Variants in CNTNAP2 observed in about 807,000 individuals in gnomAD.
CNTNAP2 encodes the protein contactin-associated protein-like 2.
CNTNAP2 carries 98 observed loss-of-function variants against 155.2 expected under a neutral mutation model. The ratio of observed to expected loss-of-function variants is 0.63; its 90% CI spans 0.54 to 0.75. CNTNAP2 has a LOEUF of 0.75. Among genes scored for constraint, CNTNAP2 ranks in the 30% least tolerant of loss-of-function variants. CNTNAP2 has a pLI of 0.00. For missense variants in CNTNAP2, 1,727 were observed against 1,688.1 expected (o/e 1.02, Z -0.40); for synonymous variants, 651 against 631.2 (o/e 1.03, Z -0.47).
intron 1 of CNTNAP2, among the ~76,000 whole-genome samples, chr7:146,644,557 C>T (rs1799775340): frequency 6.6e-6 from 1 of 151,968 alleles, no homozygotes; most frequent in African/African-American, 2.4e-5. Context: ...TTCGGTTTGC[C>T]AGTATTTTAT....
At chr7:147,412,891 C>A (rs1797127836) in intron 10 of CNTNAP2, among the ~76,000 whole-genome samples, 1 of 152,120 alleles carries the variant, frequency 6.6e-6, no homozygotes, top group African/African-American at 2.4e-5. Context: ...CCTGAGAAAA[C>A]ATTCTAAGAA....
intron 13 of CNTNAP2, among the ~76,000 whole-genome samples, chr7:147,705,967 A>G (rs780661618): frequency 6.6e-6 from 1 of 151,936 alleles, no homozygotes; most frequent in Non-Finnish European, 1.5e-5. Flanking sequence ...TTGTGGGTGG[A>G]AGAGAGTTGG....
chr7:146,989,545 C>A (rs1217440480), intron 3 of CNTNAP2, among the ~76,000 whole-genome samples: 3 of 133,556 alleles, frequency 2.2e-5, no homozygotes, highest in African/African-American at 8.7e-5. Context: ...AACAAACAAA[C>A]CCACAAAAAG....
chr7:148,401,067 C>G (rs1008537079), intron 22 of CNTNAP2, among the ~76,000 whole-genome samples: 3 of 151,936 alleles, frequency 2.0e-5, no homozygotes, highest in Admixed American at 1.3e-4. Context: ...ACAGCTGAAA[C>G]TTTTTTTCCC....
chr7:148,400,835 C>T (rs1799566419), intron 22 of CNTNAP2, among the ~76,000 whole-genome samples: 1 of 152,042 alleles, frequency 6.6e-6, no homozygotes, highest in South Asian at 2.1e-4. Context: ...CAAAAATTAG[C>T]CGGGCATGGT....
At chr7:147,451,267 C>T (rs1797828655) in intron 10 of CNTNAP2, among the ~76,000 whole-genome samples, 1 of 152,156 alleles carries the variant, frequency 6.6e-6, no homozygotes, top group Admixed American at 6.5e-5. Flanking sequence ...GGATACAGCC[C>T]TTCGGGGATA....
At chr7:146,583,365 A>G (rs1349261951) in intron 1 of CNTNAP2, among the ~76,000 whole-genome samples, 2 of 152,158 alleles carry the variant, frequency 1.3e-5, no homozygotes, top group South Asian at 2.1e-4. Flanking sequence ...ACTTGATTGT[A>G]GTTCAATCAG....
chr7:147,966,960 C>G (rs909411590), intron 14 of CNTNAP2, among the ~76,000 whole-genome samples: 2 of 151,756 alleles, frequency 1.3e-5, no homozygotes, highest in Admixed American at 6.6e-5. Flanking sequence ...TCAGAAACAC[C>G]GAGAAGTCCT....
chr7:147,814,705 A>T (rs939689607), intron 13 of CNTNAP2, among the ~76,000 whole-genome samples: 1 of 152,264 alleles, frequency 6.6e-6, no homozygotes. Flanking sequence ...GTAGTTCCTG[A>T]CTTTCAAACA....
chr7:146,417,940 T>C, intron 1 of CNTNAP2, among the ~76,000 whole-genome samples: 1 of 113,178 alleles, frequency 8.8e-6, no homozygotes, highest in African/African-American at 5.5e-5. Flanking sequence ...GGTGCCATGG[T>C]TTACCAGATA....
At chr7:147,345,874 G>A (rs1312362770) in intron 9 of CNTNAP2, among the ~76,000 whole-genome samples, 1 of 152,102 alleles carries the variant, frequency 6.6e-6, no homozygotes, top group African/African-American at 2.4e-5. Flanking sequence ...TTTGTAGCAA[G>A]GAACTAGAAT....
At chr7:146,708,353 G>A (rs891888795) in intron 1 of CNTNAP2, among the ~76,000 whole-genome samples, 2 of 151,790 alleles carry the variant, frequency 1.3e-5, no homozygotes, top group Non-Finnish European at 2.9e-5. Context: ...AATCAATAAG[G>A]TAACCACTTG....
At chr7:148,046,050 G>C (rs1401622624) in intron 15 of CNTNAP2, among the ~76,000 whole-genome samples, 1 of 152,136 alleles carries the variant, frequency 6.6e-6, no homozygotes, top group Non-Finnish European at 1.5e-5. Flanking sequence ...CTCTAATGCT[G>C]TCCTTCAATA....
chr7:146,351,647 C>T (rs1794916609), intron 1 of CNTNAP2, among the ~76,000 whole-genome samples: 1 of 152,104 alleles, frequency 6.6e-6, no homozygotes, highest in South Asian at 2.1e-4. Flanking sequence ...TTGAATTAAC[C>T]ATATTTTGTT....
At chr7:148,112,048 T>G (rs1585131608) in intron 15 of CNTNAP2, among the ~76,000 whole-genome samples, 2 of 152,042 alleles carry the variant, frequency 1.3e-5, no homozygotes, top group African/African-American at 4.8e-5. Flanking sequence ...GAAGACCCCG[T>G]CCAGGTGGGA....
chr7:147,685,065 A>T (rs910536057), intron 13 of CNTNAP2, among the ~76,000 whole-genome samples: 11 of 151,928 alleles, frequency 7.2e-5, no homozygotes, highest in African/African-American at 2.2e-4. Flanking sequence ...TGTCATTGTC[A>T]TCTCAAAAAT....
chr7:148,153,022 A>AG (rs1805332513), intron 17 of CNTNAP2, among the ~76,000 whole-genome samples: 2 of 144,554 alleles, frequency 1.4e-5, no homozygotes, highest in Non-Finnish European at 3.0e-5. Context: ...CTCCGTCTCA[A>AG]AAAAAAAAAA....
intron 1 of CNTNAP2, among the ~76,000 whole-genome samples, chr7:146,578,099 TACTG>T (rs1309881508): frequency 3.3e-5 from 5 of 152,194 alleles, no homozygotes; most frequent in African/African-American, 1.2e-4. Flanking sequence ...ATTTCTTTAA[TACTG>T]ACTACTTTTC....
chr7:146,220,270 G>A (rs905319914), intron 1 of CNTNAP2, among the ~76,000 whole-genome samples: 2 of 125,402 alleles, frequency 1.6e-5, no homozygotes, highest in African/African-American at 6.0e-5. Context: ...AAATCTTGAA[G>A]TATTGGGGAA....
Sources: allele counts gnomAD v4.1 joint callset (sites outside exome capture counted in the v4.1 genomes callset), GRCh38; gene constraint gnomAD v4.1.1; transcripts MANE v1.5; gene names NCBI Gene and HGNC (gene_info 2026-07-23, HGNC 2026-07-21).